GATAD2B: variants seen among roughly 807,000 people sequenced by gnomAD.
The protein encoded by GATAD2B is GATA zinc finger domain containing 2B.
In GATAD2B, 8 loss-of-function variants were observed where a neutral mutation model predicts 64.3. The observed-to-expected ratio is 0.12, with a 90% confidence interval of 0.07 to 0.22. GATAD2B has a LOEUF of 0.22. Among genes scored for constraint, GATAD2B ranks in the 10% least tolerant of loss-of-function variants. GATAD2B has a pLI of 1.00. For synonymous variants in GATAD2B, 281 were observed against 271.3 expected, an observed-to-expected ratio of 1.04 and a Z score of -0.35; for missense variants, 453 against 752.0, an observed-to-expected ratio of 0.60 and a Z score of 4.65.
At chr1:153,919,979 C>T (rs984706630) in intron 1 of GATAD2B, among the ~76,000 whole-genome samples, 9 of 152,206 alleles carry the variant, frequency 5.9e-5, no homozygotes, top group Non-Finnish European at 1.0e-4. Flanking sequence ...AGCTGGTTGG[C>T]TTTTCTCAAT....
intron 7 of GATAD2B, among the ~76,000 whole-genome samples, chr1:153,814,386 A>C (rs989562193): frequency 6.6e-6 from 1 of 152,232 alleles, no homozygotes; most frequent in Non-Finnish European, 1.5e-5. Context: ...TTTCTTAGTT[A>C]TCTATGTAAG....
chr1:153,814,977 CAA>C (rs58167495), intron 7 of GATAD2B, among the ~76,000 whole-genome samples: 7 of 107,214 alleles, frequency 6.5e-5, no homozygotes, highest in Admixed American at 1.1e-4. Context: ...GATTCCATCT[CAA>C]AAAAAAAAAA....
chr1:153,876,921 C>A (rs549375922), intron 1 of GATAD2B, among the ~76,000 whole-genome samples: 2 of 151,998 alleles, frequency 1.3e-5, no homozygotes, highest in African/African-American at 4.8e-5. Flanking sequence ...GAGAATCACT[C>A]GAACCTGGTG....
intron 1 of GATAD2B, among the ~76,000 whole-genome samples, chr1:153,895,390 T>C (rs917296069): frequency 1.3e-5 from 2 of 151,336 alleles, no homozygotes; most frequent in African/African-American, 4.9e-5. Context: ...AGTATTTCCT[T>C]GGCTTAATGC....
chr1:153,907,751 G>A (rs777338512), intron 1 of GATAD2B, among the ~76,000 whole-genome samples: 1 of 150,162 alleles, frequency 6.7e-6, no homozygotes, highest in African/African-American at 2.5e-5. Context: ...CAATTCTCCT[G>A]TCTCAGCCTC....
intron 1 of GATAD2B, among the ~76,000 whole-genome samples, chr1:153,894,916 T>C (rs1388885939): frequency 6.6e-6 from 1 of 151,796 alleles, no homozygotes; most frequent in Non-Finnish European, 1.5e-5. Context: ...CCCAGCACTT[T>C]GGGGGGCCAA....
At chr1:153,913,029 A>G (rs1382065648) in intron 1 of GATAD2B, among the ~76,000 whole-genome samples, 4 of 152,264 alleles carry the variant, frequency 2.6e-5, no homozygotes, top group Middle Eastern at 3.4e-3. Context: ...TAGAGGTTGC[A>G]GTGAGCCAAG....
At chr1:153,857,215 G>A (rs1676116566) in intron 1 of GATAD2B, among the ~76,000 whole-genome samples, 1 of 151,904 alleles carries the variant, frequency 6.6e-6, no homozygotes, top group Admixed American at 6.6e-5. Flanking sequence ...GGAGGCCAAG[G>A]CAGGCGGATC....
chr1:153,817,271 G>A, intron 6 of GATAD2B, 101 bp downstream of exon 6: 1 of 1,133,536 alleles, frequency 8.8e-7, no homozygotes, highest in East Asian at 2.5e-5. Flanking sequence ...TTGTCCTAGA[G>A]TTTATCTATG....
chr1:153,834,095 T>C (rs898221772), intron 1 of GATAD2B, among the ~76,000 whole-genome samples: 3 of 151,664 alleles, frequency 2.0e-5, no homozygotes, highest in East Asian at 3.9e-4. Flanking sequence ...CTCCACCTCC[T>C]GGGTTCATGC....
intron 1 of GATAD2B, among the ~76,000 whole-genome samples, chr1:153,867,550 A>T (rs1676518576): frequency 6.6e-6 from 1 of 152,030 alleles, no homozygotes; most frequent in Non-Finnish European, 1.5e-5. Flanking sequence ...CAAAGAGAGC[A>T]GTAACTAAAA....
intron 1 of GATAD2B, among the ~76,000 whole-genome samples, chr1:153,912,043 A>G (rs1402087809): frequency 1.3e-5 from 2 of 152,236 alleles, no homozygotes; most frequent in Non-Finnish European, 2.9e-5. Flanking sequence ...TTTAATTTGG[A>G]AATTAAAAAT....
At chr1:153,871,232 A>C (rs1676656834) in intron 1 of GATAD2B, among the ~76,000 whole-genome samples, 1 of 151,966 alleles carries the variant, frequency 6.6e-6, no homozygotes, top group African/African-American at 2.4e-5. Flanking sequence ...ATGCCCGGCT[A>C]ATTTTTCTAT....
Position 153,813,585 on chromosome 1 carries a change from A to G in GATAD2B, c.1217-133T>C, listed in dbSNP as rs112085135. On this transcript the variant is annotated intron_variant, in intron 7 of 10. Coordinates refer to ENST00000368655, the MANE Select transcript of GATAD2B (RefSeq NM_020699.4). Reference sequence around the variant, plus strand: ...GACTTTACAAAAAGGATATTCTATAATTTACAAAATACTTTTATTTCATCT... The same window carrying G: ...GACTTTACAAAAAGGATATTCTATAGTTTACAAAATACTTTTATTTCATCT... The G allele has an allele frequency of 1.0e-4, 67 of 654,034 alleles. 1 individual carries two copies. The highest frequency in any genetic ancestry group is 7.5e-4 in the African/African-American group (41 of 54,766). 40.5% of individuals were successfully genotyped at this position (654,034 alleles called of 1,614,324 possible). A position where few individuals can be genotyped will look rare whatever the true frequency, so the allele number is the denominator to read the frequency against.
chr1:153,848,856 A>G (rs1422792290), intron 1 of GATAD2B, among the ~76,000 whole-genome samples: 2 of 152,196 alleles, frequency 1.3e-5, no homozygotes, highest in Non-Finnish European at 2.9e-5. Context: ...CAGAAGGCTG[A>G]GGCAGAGAAC....
chr1:153,883,532 T>G (rs952735172), intron 1 of GATAD2B, among the ~76,000 whole-genome samples: 1 of 152,178 alleles, frequency 6.6e-6, no homozygotes, highest in African/African-American at 2.4e-5. Flanking sequence ...GCAAGCAAAA[T>G]AGATTATTTC....
chr1:153,843,037 C>T (rs952896668), intron 1 of GATAD2B, among the ~76,000 whole-genome samples: 5 of 151,224 alleles, frequency 3.3e-5, no homozygotes, highest in African/African-American at 7.3e-5. Context: ...CTGCAACCTC[C>T]GCTTCCTGGG....
chr1:153,848,421 T>C (rs1675763323), intron 1 of GATAD2B, among the ~76,000 whole-genome samples: 1 of 152,224 alleles, frequency 6.6e-6, no homozygotes, highest in Non-Finnish European at 1.5e-5. Flanking sequence ...CTTCTTGAAC[T>C]GCTTTCTTCA....
At chr1:153,845,463 C>T (rs1057213478) in intron 1 of GATAD2B, among the ~76,000 whole-genome samples, 1 of 151,972 alleles carries the variant, frequency 6.6e-6, no homozygotes, top group African/African-American at 2.4e-5. Flanking sequence ...AAACATTAGG[C>T]TGGGCGTGGT....
Sources: allele counts gnomAD v4.1 joint callset (sites outside exome capture counted in the v4.1 genomes callset), GRCh38; gene constraint gnomAD v4.1.1; transcripts MANE v1.5; gene names NCBI Gene and HGNC (gene_info 2026-07-23, HGNC 2026-07-21).